Variants in WDR7 observed in about 807,000 individuals in gnomAD.
WDR7 encodes WD repeat-containing protein 7.
A neutral mutation model predicts 169.4 loss-of-function variants in WDR7; 46 were observed. That is an observed-to-expected ratio of 0.27 (90% CI 0.21 to 0.35). WDR7 has a LOEUF of 0.35. Ranked by LOEUF, WDR7 falls within the 10% of genes least tolerant of loss-of-function variation. WDR7 has a pLI of 1.00. For missense variants in WDR7, 1,534 were observed against 1,859.3 expected, an observed-to-expected ratio of 0.83 and a Z score of 3.22; for synonymous variants, 612 against 666.8, an observed-to-expected ratio of 0.92 and a Z score of 1.27.
rs200583402 is a variant in WDR7, at chr18:56,879,652, C to T, written c.3305-292C>T. Among the ~76,000 whole-genome samples, 5 of 152,164 alleles carry T rather than the reference C, an allele frequency of 3.3e-5. No homozygotes were observed. In the East Asian group the frequency reaches 9.7e-4, roughly 29 times the overall value. ...GCTTTTGGTATCATATCTAAGAAAT[C>T]ATTATATAATCCAGAATTACAAACA... On this transcript the variant is annotated intron_variant, in intron 20 of 27. Transcript: ENST00000254442.
chr18:56,766,161 G>A (rs935970263), intron 16 of WDR7, among the ~76,000 whole-genome samples: 3 of 151,828 alleles, frequency 2.0e-5, no homozygotes, highest in African/African-American at 7.3e-5. Context: ...TCCTCTGACT[G>A]TAACATTACT....
At position 57,027,625 on chromosome 18, in the gene WDR7, C is replaced by T; in HGVS notation, c.*418C>T. On this transcript the variant is annotated 3_prime_UTR_variant, in exon 28 of 28. Coordinates refer to ENST00000254442, the MANE Select transcript of WDR7 (RefSeq NM_015285.3). The stretch of plus-strand genomic sequence containing the variant: ...TGCTGCTTGAATCTGGCCGTTCTGA[C>T]ACTGGGTGTTGAGGTCATGTGGCAG... 5.2e-6 allele frequency: 1 copy of T among 193,414 alleles called. No homozygotes were observed. The highest frequency in any genetic ancestry group is 1.1e-5 in the Non-Finnish European group (1 of 95,032). The allele number at this position is 193,414 out of a possible 1,614,324, so 12.0% of individuals were successfully genotyped here. A position where few individuals can be genotyped will look rare whatever the true frequency, so the allele number is the denominator to read the frequency against.
intron 1 of WDR7, among the ~76,000 whole-genome samples, chr18:56,657,977 AAAATGTTG>A (rs1300660924): frequency 6.6e-6 from 1 of 152,038 alleles, no homozygotes; most frequent in Non-Finnish European, 1.5e-5. Context: ...TGGGAGCCAT[AAAATGTTG>A]GAACAACGAA....
At chr18:56,664,302 G>T (rs2024971788) in intron 1 of WDR7, among the ~76,000 whole-genome samples, 1 of 152,112 alleles carries the variant, frequency 6.6e-6, no homozygotes, top group Admixed American at 6.6e-5. Context: ...CTAAGGAAAT[G>T]GAAGCACCAA....
chr18:56,932,964 G>A (rs1480828509), intron 22 of WDR7, among the ~76,000 whole-genome samples: 1 of 152,050 alleles, frequency 6.6e-6, no homozygotes, highest in African/African-American at 2.4e-5. Context: ...AAAAGAACCG[G>A]AGAAGGGATG....
At chr18:56,683,859 A>G (rs997185329) in intron 5 of WDR7, among the ~76,000 whole-genome samples, 1 of 152,240 alleles carries the variant, frequency 6.6e-6, no homozygotes, top group African/African-American at 2.4e-5. Context: ...TTCAGTAGTC[A>G]TTCAGCAAAT....
At chr18:56,736,998 T>G (rs552600897) in intron 14 of WDR7, among the ~76,000 whole-genome samples, 6 of 152,256 alleles carry the variant, frequency 3.9e-5, no homozygotes, top group Admixed American at 2.6e-4. Context: ...GGAAGATGAA[T>G]GTACCAAGTC....
At chr18:56,962,733 T>TGGA (rs2040874745) in intron 26 of WDR7, among the ~76,000 whole-genome samples, 1 of 152,032 alleles carries the variant, frequency 6.6e-6, no homozygotes, top group Non-Finnish European at 1.5e-5. Flanking sequence ...CACAGAAGAG[T>TGGA]TCATAAGAGA....
chr18:56,728,828 C>G (rs557444431), intron 13 of WDR7, among the ~76,000 whole-genome samples: 2 of 152,150 alleles, frequency 1.3e-5, no homozygotes, highest in African/African-American at 4.8e-5. Flanking sequence ...GGGGCTAAAC[C>G]CTGTGCCAAG....
intron 3 of WDR7, among the ~76,000 whole-genome samples, 169 bp downstream of exon 3, chr18:56,679,607 A>T (rs2025315263): frequency 6.6e-6 from 1 of 152,076 alleles, no homozygotes. Flanking sequence ...AGGGATGTAA[A>T]TTTTATCTGT....
intron 12 of WDR7, among the ~76,000 whole-genome samples, chr18:56,705,631 A>G (rs1484511414): frequency 6.6e-6 from 1 of 152,202 alleles, no homozygotes; most frequent in Non-Finnish European, 1.5e-5. Flanking sequence ...GGATCTGTCT[A>G]CAATAGATAG....
Position 56,682,701 on chromosome 18 carries a change from A to G in WDR7, c.368A>G (p.Asn123Ser). 1 of 1,613,548 alleles carries G rather than the reference A, an allele frequency of 6.2e-7. No homozygotes were observed. The highest frequency in any genetic ancestry group is 8.5e-7 in the Non-Finnish European group (1 of 1,179,716). ...GIQFYQFSVG[N>S]QREGRLLCHG... ...TAGTTCTACCAGTTCTCTGTTGGGA[A>G]TCAGCGAGAAGGAAGGCTTTTATGC... is the stretch of plus-strand genomic sequence containing the variant. The change falls in exon 5 of 28, where the codon AAT (asparagine) becomes AGT (serine). Residue 123 changes from asparagine (N) to serine (S), a missense_variant. Transcript: ENST00000254442.
intron 22 of WDR7, among the ~76,000 whole-genome samples, chr18:56,934,931 C>T (rs954671454): frequency 6.6e-6 from 1 of 152,064 alleles, no homozygotes; most frequent in African/African-American, 2.4e-5. Flanking sequence ...GGGCAGATCA[C>T]GTGCCACATT....
intron 20 of WDR7, among the ~76,000 whole-genome samples, chr18:56,835,777 CAGGT>C (rs1183701568): frequency 2.0e-5 from 3 of 152,104 alleles, no homozygotes; most frequent in Non-Finnish European, 4.4e-5. Context: ...TATAGTAAAA[CAGGT>C]AGGTATGAGA....
At chr18:56,997,829 T>C (rs1450841120) in intron 26 of WDR7, among the ~76,000 whole-genome samples, 3 of 152,180 alleles carry the variant, frequency 2.0e-5, no homozygotes, top group Admixed American at 1.3e-4. Context: ...GCTAAAAGTG[T>C]TGGAGAAGGT....
intron 1 of WDR7, among the ~76,000 whole-genome samples, chr18:56,652,646 G>A (rs1407385308): frequency 6.6e-6 from 1 of 152,122 alleles, no homozygotes; most frequent in Non-Finnish European, 1.5e-5. Flanking sequence ...TTGGGAAAAC[G>A]AACCACTATA....
At chr18:56,792,617 T>G (rs1185654286) in intron 19 of WDR7, among the ~76,000 whole-genome samples, 1 of 151,644 alleles carries the variant, frequency 6.6e-6, no homozygotes, top group African/African-American at 2.4e-5. Context: ...TCTTTGTTTT[T>G]TTTTTTTTTT....
intron 16 of WDR7, among the ~76,000 whole-genome samples, chr18:56,766,332 A>G (rs529186877): frequency 1.4e-4 from 22 of 152,254 alleles, no homozygotes; most frequent in African/African-American, 5.3e-4. Flanking sequence ...TCAAATATTC[A>G]TTCTGCCCTT....
In WDR7 at chr18:56,731,433, G is replaced by A. The variant is rs1357055766; in HGVS notation, c.1825G>A (p.Ala609Thr). ...GATAACAGCAGTTGAGATTCTAAACGCTTGTGATGAAGCTGTTCCTGCTGC... is the reference window on the plus strand; with the variant it reads ...GATAACAGCAGTTGAGATTCTAAACACTTGTGATGAAGCTGTTCCTGCTGC... ...MGITAVEILN[A>T]CDEAVPAAVD... The change falls in exon 14 of 28, where the codon GCT becomes ACT. Residue 609 changes from alanine to threonine, a missense_variant. Coordinates refer to ENST00000254442, the MANE Select transcript of WDR7 (RefSeq NM_015285.3). 9.9e-6 allele frequency: 16 copies of A among 1,613,996 alleles called. No homozygotes were observed. Among genetic ancestry groups the A allele is most frequent in the African/African-American group, 2.7e-5 (2 of 74,896 alleles).
Sources: gnomAD v4.1 joint callset for allele counts (sites outside exome capture counted in the v4.1 genomes callset) on GRCh38, gnomAD v4.1.1 for gene constraint, MANE v1.5 for transcripts, NCBI Gene and HGNC (gene_info 2026-07-23, HGNC 2026-07-21) for gene names.